The following PARD3B variants were observed in gnomAD, a reference collection of about 807,000 sequenced individuals.
The protein encoded by PARD3B is par-3 family cell polarity regulator beta.
PARD3B carries 103 observed loss-of-function variants against 130.2 expected under a neutral mutation model. The ratio of observed to expected loss-of-function variants is 0.79; its 90% CI spans 0.67 to 0.93. PARD3B has a LOEUF of 0.93. PARD3B is among the 40% of genes least tolerant of loss of function. PARD3B has a pLI of 0.00. For missense variants in PARD3B, 1,609 were observed against 1,499.2 expected (o/e 1.07, Z -1.21); for synonymous variants, 583 against 553.2 (o/e 1.05, Z -0.76).
chr2:205,243,560 A>G (rs2039447814), intron 15 of PARD3B, among the ~76,000 whole-genome samples: 1 of 152,380 alleles, frequency 6.6e-6, no homozygotes, highest in East Asian at 1.9e-4. Flanking sequence ...AAACAAAATT[A>G]TAGCTAACAT....
At chr2:204,712,259 A>G (rs986341305) in intron 2 of PARD3B, among the ~76,000 whole-genome samples, 1 of 152,156 alleles carries the variant, frequency 6.6e-6, no homozygotes. Flanking sequence ...TTGTGTTAGG[A>G]CTTTACTGCT....
chr2:205,071,075 G>T (rs1700699962), intron 4 of PARD3B, among the ~76,000 whole-genome samples: 1 of 152,014 alleles, frequency 6.6e-6, no homozygotes, highest in Non-Finnish European at 1.5e-5. Context: ...AGTGTCAAAT[G>T]ATGACAGAAG....
chr2:205,577,550 T>C (rs1199202677), intron 22 of PARD3B, among the ~76,000 whole-genome samples: 1 of 152,174 alleles, frequency 6.6e-6, no homozygotes, highest in Admixed American at 6.5e-5. Flanking sequence ...GGATTTTATA[T>C]TCAAATCCCA....
intron 18 of PARD3B, among the ~76,000 whole-genome samples, chr2:205,326,045 A>G (rs1458355032): frequency 1.3e-5 from 2 of 152,132 alleles, no homozygotes; most frequent in Non-Finnish European, 2.9e-5. Context: ...TGTGAAGTAT[A>G]CTGTTACCAG....
intron 6 of PARD3B, among the ~76,000 whole-genome samples, chr2:205,118,202 C>G (rs970991090): frequency 1.3e-5 from 2 of 152,164 alleles, no homozygotes; most frequent in African/African-American, 4.8e-5. Flanking sequence ...TTGTTCAAAG[C>G]CTTTGTGTGT....
At chr2:204,715,861 C>G (rs1180566775) in intron 2 of PARD3B, among the ~76,000 whole-genome samples, 3 of 152,090 alleles carry the variant, frequency 2.0e-5, no homozygotes, top group Admixed American at 1.3e-4. Flanking sequence ...TTCTTAAATT[C>G]AATGTGTCAT....
chr2:204,950,121 A>G (rs554355873), intron 2 of PARD3B, among the ~76,000 whole-genome samples: 1 of 152,340 alleles, frequency 6.6e-6, no homozygotes, highest in Non-Finnish European at 1.5e-5. Flanking sequence ...GCACAGAATA[A>G]TGTGAAGATG....
chr2:204,920,828 C>T (rs1468997620), intron 2 of PARD3B, among the ~76,000 whole-genome samples: 1 of 152,158 alleles, frequency 6.6e-6, no homozygotes, highest in Non-Finnish European at 1.5e-5. Context: ...GCCTTCTAAA[C>T]ATTGGATCCA....
At chr2:205,247,406 A>G (rs2039617157) in intron 16 of PARD3B, among the ~76,000 whole-genome samples, 1 of 152,214 alleles carries the variant, frequency 6.6e-6, no homozygotes, top group Admixed American at 6.5e-5. Flanking sequence ...GCTAAGTGCA[A>G]AATTTGAAAT....
chr2:204,661,499 A>G (rs2035806458), intron 1 of PARD3B, among the ~76,000 whole-genome samples: 1 of 152,178 alleles, frequency 6.6e-6, no homozygotes, highest in African/African-American at 2.4e-5. Context: ...GAGCCACAAT[A>G]TTCAGGAACC....
intron 16 of PARD3B, among the ~76,000 whole-genome samples, chr2:205,295,983 T>A (rs1322733344): frequency 1.3e-5 from 2 of 152,196 alleles, no homozygotes; most frequent in East Asian, 3.8e-4. Flanking sequence ...AGGGAAAGCA[T>A]TTTTTATGAA....
intron 4 of PARD3B, among the ~76,000 whole-genome samples, chr2:205,052,423 A>ATATATATATATATATATATG (rs1559390524): frequency 1.5e-4 from 2 of 13,408 alleles, no homozygotes; most frequent in Non-Finnish European, 3.3e-4. Flanking sequence ...ATATATGTAT[A>ATATATATATATATATATATG]TATATATATA....
At chr2:205,137,166 T>G (rs1231191767) in intron 10 of PARD3B, among the ~76,000 whole-genome samples, 1 of 152,066 alleles carries the variant, frequency 6.6e-6, no homozygotes, top group Non-Finnish European at 1.5e-5. Context: ...ATAAAAGTTA[T>G]AAAAAGGAAG....
At chr2:205,431,145 T>C (rs941683048) in intron 19 of PARD3B, among the ~76,000 whole-genome samples, 1 of 152,270 alleles carries the variant, frequency 6.6e-6, no homozygotes, top group Non-Finnish European at 1.5e-5. Context: ...GGCACGATCT[T>C]GGCTCACTGC....
chr2:205,079,250 T>C (rs1355368582), intron 4 of PARD3B, among the ~76,000 whole-genome samples: 1 of 152,226 alleles, frequency 6.6e-6, no homozygotes, highest in East Asian at 1.9e-4. Context: ...CTCAAAAAGC[T>C]AATCCAATGT....
chr2:204,833,420 A>G (rs1575095561), intron 2 of PARD3B, among the ~76,000 whole-genome samples: 2 of 152,016 alleles, frequency 1.3e-5, no homozygotes, highest in African/African-American at 2.4e-5. Flanking sequence ...TGGTGGTTTA[A>G]TTTAACCCAG....
intron 18 of PARD3B, among the ~76,000 whole-genome samples, chr2:205,398,940 G>A (rs1224518199): frequency 6.6e-6 from 1 of 152,092 alleles, no homozygotes; most frequent in African/African-American, 2.4e-5. Flanking sequence ...CAGGGTTGGG[G>A]GTATGAAGCC....
chr2:205,004,985 A>G (rs1695138461), intron 3 of PARD3B, among the ~76,000 whole-genome samples: 1 of 152,172 alleles, frequency 6.6e-6, no homozygotes, highest in South Asian at 2.1e-4. Flanking sequence ...AATTCCATTA[A>G]GCATCACTTT....
At chr2:205,329,361 T>A (rs1328225300) in intron 18 of PARD3B, among the ~76,000 whole-genome samples, 1 of 152,228 alleles carries the variant, frequency 6.6e-6, no homozygotes, top group Non-Finnish European at 1.5e-5. Flanking sequence ...AGAACAGTTT[T>A]GGGGCAATAT....
Sources: allele counts gnomAD v4.1 joint callset (sites outside exome capture counted in the v4.1 genomes callset), GRCh38; gene constraint gnomAD v4.1.1; transcripts MANE v1.5; gene names NCBI Gene and HGNC (gene_info 2026-07-23, HGNC 2026-07-21).